The following MYRFL variants were observed in gnomAD, a reference collection of about 807,000 sequenced individuals.
MYRFL encodes the protein myelin regulatory factor-like protein.
MYRFL carries 88 observed loss-of-function variants against 109.4 expected under a neutral mutation model. That is an observed-to-expected ratio of 0.80 (90% CI 0.68 to 0.96). The LOEUF is 0.96. MYRFL is among the 40% of genes least tolerant of loss of function. The pLI, the probability that MYRFL is intolerant of heterozygous loss-of-function variation, is 0.00. For synonymous variants in MYRFL, 324 were observed against 320.9 expected (o/e 1.01, Z -0.10); for missense variants, 957 against 954.9 (o/e 1.00, Z -0.03).
intron 15 of MYRFL, among the ~76,000 whole-genome samples, chr12:69,928,820 T>G (rs1158424705): frequency 6.6e-6 from 1 of 152,104 alleles, no homozygotes; most frequent in Non-Finnish European, 1.5e-5. Context: ...ACACAAAACA[T>G]GAATGTAGGA....
rs900246734 is a variant in MYRFL at position 69,897,057 on chromosome 12, G to C, written c.1092-99G>C. On this transcript the variant is annotated intron_variant, in intron 9 of 24. Transcript: ENST00000552032. ...GTCTTTAAATAAGCAAACTCTTCTC[G>C]ATAAGTTCACTATTGATCAACTGTT... 548 of 812,048 alleles carry C rather than the reference G, an allele frequency of 6.7e-4. 2 individuals are homozygous for C. In the African/African-American group the frequency reaches 7.5e-3, roughly 11 times the overall value. The allele number at this position is 812,048 out of a possible 1,614,324, so 50.3% of individuals were successfully genotyped here.
chr12:69,832,612 A>C (rs1882696607), intron 1 of MYRFL, among the ~76,000 whole-genome samples: 2 of 152,162 alleles, frequency 1.3e-5, no homozygotes, highest in Admixed American at 6.5e-5. Context: ...CAAGTCATGC[A>C]TCTGTCTGGG....
At chr12:69,855,159 T>C in intron 1 of MYRFL, 121 bp from the exon 2 acceptor site, 1 of 507,226 alleles carries the variant, frequency 2.0e-6, no homozygotes, top group South Asian at 3.7e-5. Context: ...TCCATGCTGT[T>C]GATCCTTGTG....
intron 19 of MYRFL, among the ~76,000 whole-genome samples, chr12:69,939,125 A>G (rs1213073695): frequency 6.6e-6 from 1 of 152,130 alleles, no homozygotes; most frequent in African/African-American, 2.4e-5. Context: ...AGGGGCGCCC[A>G]CCATTGCCCA....
chr12:69,839,557 A>G (rs1197290225), intron 1 of MYRFL, among the ~76,000 whole-genome samples: 1 of 152,188 alleles, frequency 6.6e-6, no homozygotes, highest in African/African-American at 2.4e-5. Flanking sequence ...ACATTATGTT[A>G]TAGTAGAAAA....
chr12:69,856,873 C>T (rs1378589494), intron 2 of MYRFL, among the ~76,000 whole-genome samples: 1 of 151,820 alleles, frequency 6.6e-6, no homozygotes, highest in Non-Finnish European at 1.5e-5. Context: ...CAGTGTTTTT[C>T]TCAGAGCAAA....
chr12:69,955,598 C>T (rs527243325), intron 22 of MYRFL, among the ~76,000 whole-genome samples, 161 bp downstream of exon 22: 18 of 152,254 alleles, frequency 1.2e-4, no homozygotes, highest in African/African-American at 4.1e-4. Context: ...GAAAGGTTTT[C>T]AAAATGAGGG....
Position 69,936,469 on chromosome 12 carries a change from G to A in MYRFL, c.2061G>A (p.Leu687=), listed in dbSNP as rs755266723. 1.2e-5 allele frequency: 18 copies of A among 1,535,336 alleles called. No individual in the cohort carries two copies. The African/African-American group carries it at 2.1e-4, about 18-fold the overall frequency. ...GCCTTGCAGCACCTAATACATCCCT[G>A]GTAACCACACCGGCCTCCTTACAAG... ...TASSSAPNTS[L]VTTPASLQVP... is the part of the protein sequence containing the mutation. Residue 687 remains leucine (L), a synonymous_variant, in exon 19 of 25, where the codon CTG becomes CTA. Coordinates refer to ENST00000552032, the MANE Select transcript of MYRFL (RefSeq NM_182530.3).
At chr12:69,923,013 A>T (rs1327942441) in intron 13 of MYRFL, among the ~76,000 whole-genome samples, 1 of 152,214 alleles carries the variant, frequency 6.6e-6, no homozygotes, top group Non-Finnish European at 1.5e-5. Context: ...TATTTACAAG[A>T]TTTAAAAAAA....
intron 1 of MYRFL, among the ~76,000 whole-genome samples, chr12:69,826,629 A>G (rs1882294993): frequency 6.6e-6 from 1 of 151,786 alleles, no homozygotes; most frequent in Non-Finnish European, 1.5e-5. Context: ...CTATTTTTGG[A>G]GGTTTCTATG....
At chr12:69,932,141 A>G (rs999789998) in intron 15 of MYRFL, among the ~76,000 whole-genome samples, 3 of 150,726 alleles carry the variant, frequency 2.0e-5, no homozygotes. Flanking sequence ...TTTGATTTTC[A>G]AAAGTATCCT....
At chr12:69,903,500 A>G (rs1954255270) in intron 10 of MYRFL, 144 bp from the exon 11 acceptor site, 3 of 923,286 alleles carry the variant, frequency 3.2e-6, no homozygotes, top group Admixed American at 2.8e-5. Flanking sequence ...AATTACTTGG[A>G]TATGTCAGAA....
At chr12:69,858,112 A>G (rs926249006) in intron 2 of MYRFL, among the ~76,000 whole-genome samples, 1 of 151,414 alleles carries the variant, frequency 6.6e-6, no homozygotes, top group African/African-American at 2.4e-5. Context: ...GTATTTATTG[A>G]TTATATGTTT....
In MYRFL at chr12:69,941,611, C is replaced by G. The variant is rs1055495515; in HGVS notation, c.2224+4979C>G. On this transcript the variant is annotated intron_variant, in intron 19 of 24. Coordinates refer to ENST00000552032, the MANE Select transcript of MYRFL (RefSeq NM_182530.3). ...AGATCCAAAATTGACACCCTAACAT[C>G]ACAATTAAAAGAACTAGAAAAGCAA... Among the ~76,000 whole-genome samples, 12 of 119,924 alleles carry G rather than the reference C, an allele frequency of 1.0e-4. No homozygotes were observed. In the East Asian group the frequency reaches 2.3e-3, roughly 23 times the overall value. 78.7% of individuals were successfully genotyped at this position (119,924 alleles called of 152,430 possible).
intron 2 of MYRFL, among the ~76,000 whole-genome samples, chr12:69,868,860 GCACACACACGCGCACACACATGCACT>G (rs1316391648): frequency 6.6e-6 from 1 of 152,008 alleles, no homozygotes. Context: ...GCACACATGT[GCACACACACGCGCACACACATGCACT>G]CACACACACG....
intron 19 of MYRFL, among the ~76,000 whole-genome samples, chr12:69,943,435 G>T (rs564451382): frequency 2.5e-4 from 36 of 145,796 alleles, no homozygotes; most frequent in Non-Finnish European, 4.8e-4. Flanking sequence ...AATGGGGAAA[G>T]GATTCCCTAT....
chr12:69,902,460 T>G (rs1163214280), intron 10 of MYRFL, among the ~76,000 whole-genome samples: 2 of 152,182 alleles, frequency 1.3e-5, no homozygotes, highest in African/African-American at 4.8e-5. Flanking sequence ...CCAGGCTCCA[T>G]CCTTGAGGAA....
chr12:69,897,095 T>A (rs10879038), intron 9 of MYRFL, 61 bp from the exon 10 acceptor site: 360,907 of 1,142,504 alleles, frequency 0.32, 59,193 homozygotes, highest in African/African-American at 0.36. Context: ...GTGGTATTTG[T>A]TTGTACAAAT....
At chr12:69,899,060 A>C (rs1275193088) in intron 10 of MYRFL, among the ~76,000 whole-genome samples, 1 of 152,156 alleles carries the variant, frequency 6.6e-6, no homozygotes, top group Non-Finnish European at 1.5e-5. Flanking sequence ...CTATTCACTA[A>C]ATTTTTATTT....
Sources: gnomAD v4.1 joint callset for allele counts (sites outside exome capture counted in the v4.1 genomes callset) on GRCh38, gnomAD v4.1.1 for gene constraint, MANE v1.5 for transcripts, NCBI Gene and HGNC (gene_info 2026-07-23, HGNC 2026-07-21) for gene names.